The following BCKDHB variants were observed in gnomAD, a reference collection of about 807,000 sequenced individuals.
BCKDHB encodes branched chain keto acid dehydrogenase E1 subunit beta.
BCKDHB carries 41 observed loss-of-function variants against 48.5 expected under a neutral mutation model. The observed-to-expected ratio is 0.85, with a 90% confidence interval of 0.66 to 1.10. The LOEUF is 1.10. BCKDHB is among the 50% of genes least tolerant of loss of function. The pLI is 0.00. For synonymous variants in BCKDHB, 201 were observed against 174.8 expected, an observed-to-expected ratio of 1.15 and a Z score of -1.18; for missense variants, 496 against 494.2, an observed-to-expected ratio of 1.00 and a Z score of -0.03.
In BCKDHB at chr6:80,341,778, G is replaced by T. The variant is rs551305618; in HGVS notation, c.1039-1886G>T. On this transcript the variant is annotated intron_variant, in intron 9 of 9. Transcript: ENST00000320393. The stretch of plus-strand genomic sequence containing the variant: ...TCCATGGATAGCTTGTTTATGAAGA[G>T]TTCAGTATTCAGGGAAGATGGAAAA... Among the ~76,000 whole-genome samples the T allele has an allele frequency of 3.3e-5, 5 of 152,222 alleles. 1 individual carries two copies. The highest frequency in any genetic ancestry group is 2.6e-4 in the Admixed American group (4 of 15,288).
chr6:80,271,980 A>G (rs1353473030), intron 8 of BCKDHB, among the ~76,000 whole-genome samples: 5 of 152,084 alleles, frequency 3.3e-5, no homozygotes, highest in Non-Finnish European at 7.4e-5. Flanking sequence ...ATTGAAATTT[A>G]ATTTGTGACT....
intron 9 of BCKDHB, among the ~76,000 whole-genome samples, chr6:80,315,636 A>G (rs991808610): frequency 2.7e-5 from 4 of 150,432 alleles, no homozygotes; most frequent in Non-Finnish European, 4.4e-5. Context: ...ATTTATTTTT[A>G]GAGACAGGAT....
chr6:80,419,831 A>T, the BCKDHB span, among the ~76,000 whole-genome samples: 1 of 152,006 alleles, frequency 6.6e-6, no homozygotes, highest in African/African-American at 2.4e-5. Context: ...CACTCTTTTA[A>T]TTATTTTTTT....
chr6:80,289,657 G>A (rs1045136052), intron 9 of BCKDHB, among the ~76,000 whole-genome samples: 7 of 152,200 alleles, frequency 4.6e-5, no homozygotes, highest in African/African-American at 1.7e-4. Flanking sequence ...AGGAACTGAG[G>A]GAAAGCTCAC....
intron 1 of BCKDHB, among the ~76,000 whole-genome samples, chr6:80,117,221 C>T (rs1769751308): frequency 6.6e-6 from 1 of 152,184 alleles, no homozygotes; most frequent in Non-Finnish European, 1.5e-5. Context: ...TAGGTATTCA[C>T]ATGGAAATAA....
chr6:80,134,000 A>G (rs1371507999), intron 3 of BCKDHB, among the ~76,000 whole-genome samples: 1 of 152,162 alleles, frequency 6.6e-6, no homozygotes, highest in Non-Finnish European at 1.5e-5. Context: ...CATATAAAAA[A>G]TCCATTCGTA....
At chr6:80,422,437 C>T in the BCKDHB span, among the ~76,000 whole-genome samples, 3 of 152,198 alleles carry the variant, frequency 2.0e-5, no homozygotes, top group African/African-American at 7.2e-5. Context: ...CACACAGAGT[C>T]CCCAATGGGG....
chr6:80,212,728 T>C lies in BCKDHB; in HGVS notation c.951+9516T>C, dbSNP rs151035060. 7.0e-3 allele frequency among the ~76,000 whole-genome samples: 1,066 copies of C among 152,336 alleles called. 8 individuals carry two copies. The highest frequency in any genetic ancestry group is 0.024 in the African/African-American group (1,006 of 41,576). ...AAATGTCCATGAAATCTTCACAATT[T>C]ATGTTCCTGTGCCACAGCTCCAGCT... On this transcript the variant is annotated intron_variant, in intron 8 of 9. Transcript: ENST00000320393.
intron 9 of BCKDHB, among the ~76,000 whole-genome samples, chr6:80,282,719 T>C (rs1327071299): frequency 6.6e-6 from 1 of 152,086 alleles, no homozygotes; most frequent in Non-Finnish European, 1.5e-5. Flanking sequence ...TACATACATC[T>C]AGGCATAGGA....
intron 1 of BCKDHB, among the ~76,000 whole-genome samples, chr6:80,113,940 CA>C (rs1247552961): frequency 1.3e-5 from 2 of 152,148 alleles, no homozygotes; most frequent in African/African-American, 4.8e-5. Context: ...AGTGAAGTTA[CA>C]AAGTTATACT....
intron 9 of BCKDHB, among the ~76,000 whole-genome samples, chr6:80,296,216 C>T (rs1767237536): frequency 6.6e-6 from 1 of 152,112 alleles, no homozygotes. Context: ...GTGCACCTGT[C>T]AAAGTCTTAT....
chr6:80,396,376 G>A, the BCKDHB span, among the ~76,000 whole-genome samples: 2 of 152,194 alleles, frequency 1.3e-5, no homozygotes, highest in Non-Finnish European at 2.9e-5. Context: ...ACTTGCTTTT[G>A]ATTTTACAGG....
the BCKDHB span, among the ~76,000 whole-genome samples, chr6:80,392,319 A>T: frequency 6.6e-6 from 1 of 151,666 alleles, no homozygotes; most frequent in African/African-American, 2.4e-5. Context: ...ACATACAGAG[A>T]TTGTTTTCTT....
the BCKDHB span, among the ~76,000 whole-genome samples, chr6:80,444,908 T>A: frequency 6.6e-6 from 1 of 152,180 alleles, no homozygotes; most frequent in East Asian, 1.9e-4. Context: ...ATATGAACAA[T>A]TATTAACACT....
the BCKDHB span, among the ~76,000 whole-genome samples, chr6:80,419,479 G>A: frequency 1.1e-4 from 16 of 152,174 alleles, no homozygotes; most frequent in Non-Finnish European, 2.1e-4. Flanking sequence ...GTTCAGGTCT[G>A]GAAGTTTTCC....
chr6:80,364,973 C>T, the BCKDHB span, among the ~76,000 whole-genome samples: 21 of 152,214 alleles, frequency 1.4e-4, no homozygotes, highest in Admixed American at 3.9e-4. Context: ...CCGTGATGCC[C>T]GCCTGAGCCT....
intron 9 of BCKDHB, among the ~76,000 whole-genome samples, chr6:80,303,805 T>C (rs959644146): frequency 6.6e-6 from 1 of 151,954 alleles, no homozygotes; most frequent in Non-Finnish European, 1.5e-5. Flanking sequence ...TCCCTCTCCT[T>C]TGAAAGAATG....
Position 80,191,861 on chromosome 6 carries a change from G to T in BCKDHB, c.743-9073G>T, listed in dbSNP as rs189646463. Among the ~76,000 whole-genome samples, 7 of 152,244 alleles carry T rather than the reference G, an allele frequency of 4.6e-5. No individual in the cohort carries two copies. The East Asian group carries it at 1.4e-3, about 29-fold the overall frequency. On this transcript the variant is annotated intron_variant, in intron 6 of 9. Transcript: ENST00000320393. ...CTAAAGTAGGCTGTGCCTAATTACT[G>T]AGCTAGCTTGAGAGCTTAGCATCAA...
chr6:80,122,827 G>C (rs755546244), intron 1 of BCKDHB, among the ~76,000 whole-genome samples: 41 of 152,124 alleles, frequency 2.7e-4, no homozygotes, highest in Non-Finnish European at 4.9e-4. Flanking sequence ...GAACCAGTCT[G>C]ACCACAAATT....
Sources: allele counts gnomAD v4.1 joint callset (sites outside exome capture counted in the v4.1 genomes callset), GRCh38; gene constraint gnomAD v4.1.1; transcripts MANE v1.5; gene names NCBI Gene and HGNC (gene_info 2026-07-23, HGNC 2026-07-21).